TET1: variants seen among roughly 807,000 people sequenced by gnomAD.
TET1 encodes the protein methylcytosine dioxygenase TET1.
TET1 carries 13 observed loss-of-function variants against 148.7 expected under a neutral mutation model. The observed-to-expected ratio is 0.09, with a 90% CI of 0.06 to 0.14. TET1 has a LOEUF of 0.14. Among genes scored for constraint, TET1 ranks in the 10% least tolerant of loss-of-function variants. The pLI, the probability that TET1 is intolerant of heterozygous loss-of-function variation, is 1.00. For missense variants in TET1, 2,182 were observed against 2,553.8 expected (o/e 0.85, Z 3.14); for synonymous variants, 907 against 937.2 (o/e 0.97, Z 0.59).
At chr10:68,675,263 A>C (rs746738195) in intron 8 of TET1, among the ~76,000 whole-genome samples, 2 of 152,242 alleles carry the variant, frequency 1.3e-5, no homozygotes, top group Non-Finnish European at 2.9e-5. Flanking sequence ...TCACCAAAAT[A>C]AACTCATACT....
rs562709588 is a variant in TET1, at chr10:68,686,225, C to T, written c.5053-131C>T. On this transcript the variant is annotated intron_variant, in intron 10 of 11. Transcript: ENST00000373644. Reference sequence around the variant, plus strand: ...TTGATATAAAATAATAATATACCATCAGCAACCAATTGAAAATAAAATGGG... The same window carrying T: ...TTGATATAAAATAATAATATACCATTAGCAACCAATTGAAAATAAAATGGG... 42 of 747,390 alleles carry T rather than the reference C, an allele frequency of 5.6e-5. No individual in the cohort carries two copies. The African/African-American group carries it at 7.0e-4, about 13-fold the overall frequency. 46.3% of individuals were successfully genotyped at this position (747,390 alleles called of 1,614,324 possible). A position where few individuals can be genotyped will look rare whatever the true frequency, so the allele number is the denominator to read the frequency against.
At chr10:68,632,022 C>A (rs1206691765) in intron 3 of TET1, among the ~76,000 whole-genome samples, 2 of 151,724 alleles carry the variant, frequency 1.3e-5, no homozygotes, top group Non-Finnish European at 2.9e-5. Flanking sequence ...ATTGGCTAAA[C>A]CCTAGTAGAA....
chr10:68,676,631 T>C (rs1589130655), intron 8 of TET1, among the ~76,000 whole-genome samples: 2 of 151,634 alleles, frequency 1.3e-5, no homozygotes, highest in African/African-American at 4.9e-5. Flanking sequence ...GCCAGGCTGG[T>C]CTCGAACTCC....
At chr10:68,682,091 C>CTAT (rs2055443136) in intron 9 of TET1, among the ~76,000 whole-genome samples, 1 of 90,926 alleles carries the variant, frequency 1.1e-5, no homozygotes, top group East Asian at 3.5e-4. Context: ...TATTGATCTA[C>CTAT]TCTTTTTTTT....
rs1453145990 is a variant in TET1, at chr10:68,572,752, T to C, written c.414T>C (p.His138=). The C allele has an allele frequency of 1.2e-6, 2 of 1,614,136 alleles. No homozygotes were observed. Among genetic ancestry groups the C allele is most frequent in the African/African-American group, 1.3e-5 (1 of 75,030 alleles). ...VPLSKGLEKQ[H]DCDYKILPAL... is the part of the protein sequence containing the mutation. Reference sequence around the variant, plus strand: ...TTTCTAAGGGTTTAGAAAAGCAACATGATTGTGATTATAAGATACTCCCTG... The same window carrying C: ...TTTCTAAGGGTTTAGAAAAGCAACACGATTGTGATTATAAGATACTCCCTG... Residue 138 remains histidine (H), a synonymous_variant, in exon 2 of 12, where the codon CAT becomes CAC. Transcript: ENST00000373644.
At chr10:68,624,934 C>T (rs1490837047) in intron 3 of TET1, among the ~76,000 whole-genome samples, 1 of 151,260 alleles carries the variant, frequency 6.6e-6, no homozygotes, top group Non-Finnish European at 1.5e-5. Context: ...TGGGGTTTCA[C>T]CGTGTTAGCC....
chr10:68,563,355 C>G (rs745432640), intron 1 of TET1, among the ~76,000 whole-genome samples: 2 of 152,220 alleles, frequency 1.3e-5, no homozygotes, highest in Non-Finnish European at 2.9e-5. Context: ...AACTTAGTTG[C>G]TGGAGGAAAC....
At chr10:68,625,664 A>G (rs1276196163) in intron 3 of TET1, among the ~76,000 whole-genome samples, 5 of 152,272 alleles carry the variant, frequency 3.3e-5, no homozygotes, top group African/African-American at 1.2e-4. Flanking sequence ...AACCTTCCTT[A>G]ATTGTATGAT....
At chr10:68,673,937 T>TTC (rs1554811624) in intron 8 of TET1, among the ~76,000 whole-genome samples, 1 of 141,462 alleles carries the variant, frequency 7.1e-6, no homozygotes, top group Non-Finnish European at 1.5e-5. Context: ...TTCTTTTTCT[T>TTC]TTTTTTTTTT....
chr10:68,614,728 G>A (rs1236144619), intron 3 of TET1, among the ~76,000 whole-genome samples: 1 of 151,918 alleles, frequency 6.6e-6, no homozygotes, highest in Non-Finnish European at 1.5e-5. Context: ...TGAGTAGCTG[G>A]GATTACAGGT....
chr10:68,676,114 C>G (rs1205553862), intron 8 of TET1, among the ~76,000 whole-genome samples: 1 of 150,262 alleles, frequency 6.7e-6, no homozygotes, highest in East Asian at 2.0e-4. Context: ...CTCAGCCTCC[C>G]AAAGTGCTGG....
rs575498378 is a variant in TET1, at chr10:68,597,971, G to A, written c.1915-3010G>A. 4.6e-5 allele frequency among the ~76,000 whole-genome samples: 7 copies of A among 152,316 alleles called. No individual in the cohort carries two copies. The South Asian group carries it at 1.4e-3, about 32-fold the overall frequency. On this transcript the variant is annotated intron_variant, in intron 2 of 11. Transcript: ENST00000373644. ...GTATGGGCTGGGGGAAGGCAAATGA[G>A]GAGTTATTGTTTAATGGGTATGGAG...
intron 1 of TET1, among the ~76,000 whole-genome samples, chr10:68,564,524 C>T (rs1364333928): frequency 1.3e-5 from 2 of 152,200 alleles, no homozygotes; most frequent in Non-Finnish European, 2.9e-5. Flanking sequence ...TAATGTTTTA[C>T]ATCCCAGAAA....
At chr10:68,676,156 T>TG (rs1279953542) in intron 8 of TET1, among the ~76,000 whole-genome samples, 71 of 73,888 alleles carry the variant, frequency 9.6e-4, no homozygotes, top group African/African-American at 3.2e-3. Context: ...CACCTGGCCT[T>TG]TTGTGTGTGT....
chr10:68,572,234 C>T lies in TET1; in HGVS notation c.-105C>T. ...TATTTCAGACCAAAACCTTGTGTGA[C>T]TGAGCTGAAGAGCAGTGCATCCAGA... On this transcript the variant is annotated 5_prime_UTR_variant, in exon 2 of 12. Transcript: ENST00000373644. The T allele has an allele frequency of 1.5e-5, 14 of 959,162 alleles. 1 individual carries two copies. Among genetic ancestry groups the T allele is most frequent in the Middle Eastern group, 3.2e-4 (1 of 3,126 alleles). 59.4% of individuals were successfully genotyped at this position (959,162 alleles called of 1,614,324 possible). A position where few individuals can be genotyped will look rare whatever the true frequency, so the allele number is the denominator to read the frequency against.
intron 2 of TET1, among the ~76,000 whole-genome samples, chr10:68,595,757 A>G (rs1017952102): frequency 6.8e-6 from 1 of 146,322 alleles, no homozygotes; most frequent in African/African-American, 2.5e-5. Flanking sequence ...ACCTGGGATT[A>G]CAGGCAAGCG....
At chr10:68,587,354 G>A (rs1343850862) in intron 2 of TET1, among the ~76,000 whole-genome samples, 1 of 152,178 alleles carries the variant, frequency 6.6e-6, no homozygotes, top group African/African-American at 2.4e-5. Flanking sequence ...AGTGGATATA[G>A]GTTAGATTTA....
Position 68,652,497 on chromosome 10 carries a change from T to A in TET1, c.4368-4T>A. 6.2e-7 allele frequency: 1 copy of A among 1,600,988 alleles called. No homozygotes were observed. The highest frequency in any genetic ancestry group is 1.1e-5 in the South Asian group (1 of 88,442). On this transcript the variant is annotated splice_polypyrimidine_tract_variant and splice_region_variant and intron_variant, in intron 5 of 11. Transcript: ENST00000373644. ...ACATTCCCTTCACTGTGTTTTATAC[T>A]CAGGTATGGTCAAAAAGGAAACGCA...
chr10:68,572,654 C>G lies in TET1; in HGVS notation c.316C>G (p.Leu106Val), dbSNP rs749777455. The G allele has an allele frequency of 6.2e-7, 1 of 1,614,124 alleles. No homozygotes were observed. The highest frequency in any genetic ancestry group is 1.3e-5 in the African/African-American group (1 of 75,032). The change falls in exon 2 of 12, where the codon CTA (leucine) becomes GTA (valine). Residue 106 changes from leucine (L) to valine (V), a missense_variant. Transcript: ENST00000373644. ...AACCTGCAATGGGTTTACAATGGCGCTACGAAGCACCTCTCTTAGCAGGCG... is the reference window on the plus strand; with the variant it reads ...AACCTGCAATGGGTTTACAATGGCGGTACGAAGCACCTCTCTTAGCAGGCG... ...SLTCNGFTMA[L>V]RSTSLSRRLS...
Sources: allele counts gnomAD v4.1 joint callset (sites outside exome capture counted in the v4.1 genomes callset), GRCh38; gene constraint gnomAD v4.1.1; transcripts MANE v1.5; gene names NCBI Gene and HGNC (gene_info 2026-07-23, HGNC 2026-07-21).